The following TOGARAM2 variants were observed in gnomAD, a reference collection of about 807,000 sequenced individuals.
TOGARAM2 encodes TOG array regulator of axonemal microtubules protein 2.
Under a neutral mutation model 93.3 loss-of-function variants are expected in TOGARAM2, and 85 were observed. The ratio of observed to expected loss-of-function variants is 0.91; its 90% CI spans 0.76 to 1.09. The LOEUF (loss-of-function observed/expected upper bound fraction) is 1.09. Ranked by LOEUF, TOGARAM2 falls within the 50% of genes least tolerant of loss-of-function variation. The probability of loss-of-function intolerance (pLI) is 0.00; values close to 1 mark genes in which losing one functional copy is unlikely to be tolerated. For synonymous variants in TOGARAM2, 593 were observed against 552.8 expected, an observed-to-expected ratio of 1.07 and a Z score of -1.02; for missense variants, 1,277 against 1,334.5, an observed-to-expected ratio of 0.96 and a Z score of 0.67.
chr2:29,027,883 G>A (rs1665506570), intron 14 of TOGARAM2, among the ~76,000 whole-genome samples: 1 of 151,820 alleles, frequency 6.6e-6, no homozygotes, highest in East Asian at 1.9e-4. Context: ...GGGACGGCCA[G>A]CCTGGTGGAG....
chr2:29,014,585 G>C, intron 8 of TOGARAM2, 24 bp downstream of exon 8: 2 of 1,557,216 alleles, frequency 1.3e-6, no homozygotes, highest in East Asian at 4.8e-5. Context: ...GGGAGGAGGA[G>C]GAAGTGGGGC....
chr2:29,049,262 C>G (rs1000664454), intron 19 of TOGARAM2: 3 of 152,336 alleles, frequency 2.0e-5, no homozygotes, highest in Admixed American at 6.5e-5. Context: ...GGGACCCCCA[C>G]AGTGCTGGGA....
chr2:29,032,707 G>T (rs1665841567), intron 14 of TOGARAM2: 1 of 474,126 alleles, frequency 2.1e-6, no homozygotes, highest in Non-Finnish European at 3.7e-6. Context: ...ACAGAAAAAA[G>T]ACTATAGGAA....
chr2:28,959,740 C>T (rs1671775625), intron 1 of TOGARAM2, among the ~76,000 whole-genome samples: 1 of 151,568 alleles, frequency 6.6e-6, no homozygotes, highest in South Asian at 2.1e-4. Context: ...GAGACTCTGG[C>T]TCAAAAAAAA....
At chr2:29,040,221 T>G (rs1027307918) in intron 18 of TOGARAM2, among the ~76,000 whole-genome samples, 2 of 152,228 alleles carry the variant, frequency 1.3e-5, no homozygotes, top group African/African-American at 4.8e-5. Context: ...TTGATTTTGC[T>G]TCTTTCATTT....
At chr2:29,014,669 G>C (rs770741062) in intron 8 of TOGARAM2, 108 bp downstream of exon 8, 2 of 1,392,244 alleles carry the variant, frequency 1.4e-6, no homozygotes, top group African/African-American at 1.4e-5. Context: ...CCACAGAGCA[G>C]AGCAAGGAGA....
chr2:29,001,205 T>C (rs1673277100), intron 4 of TOGARAM2, among the ~76,000 whole-genome samples: 1 of 152,122 alleles, frequency 6.6e-6, no homozygotes, highest in Admixed American at 6.6e-5. Flanking sequence ...CACCCCTTCT[T>C]TTCCATCCTT....
At chr2:29,004,276 C>A (rs781425760) in intron 6 of TOGARAM2, among the ~76,000 whole-genome samples, 7 of 152,220 alleles carry the variant, frequency 4.6e-5, no homozygotes, top group Non-Finnish European at 8.8e-5. Context: ...AGACACCGTG[C>A]CCGGCTATGA....
chr2:28,973,589 C>G (rs1671985114), intron 1 of TOGARAM2, among the ~76,000 whole-genome samples: 1 of 151,312 alleles, frequency 6.6e-6, no homozygotes, highest in South Asian at 2.1e-4. Flanking sequence ...GTGGTGTGAT[C>G]ATGGCTCATT....
intron 18 of TOGARAM2, 129 bp from the exon 19 acceptor site, chr2:29,045,194 GA>G: frequency 1.5e-6 from 1 of 689,044 alleles, no homozygotes; most frequent in Non-Finnish European, 2.5e-6. Flanking sequence ...TTGTGACCTG[GA>G]AAAATTAATT....
upstream of TOGARAM2, among the ~76,000 whole-genome samples, chr2:28,980,438 TG>T (rs1672134335): frequency 6.6e-6 from 1 of 152,170 alleles, no homozygotes; most frequent in Non-Finnish European, 1.5e-5. Context: ...GTACAGAATA[TG>T]GGGAGGAGCT....
chr2:28,961,893 C>T (rs1216225815), intron 1 of TOGARAM2, among the ~76,000 whole-genome samples: 1 of 152,150 alleles, frequency 6.6e-6, no homozygotes, highest in East Asian at 1.9e-4. Flanking sequence ...TAACATCATA[C>T]AAAGATACTC....
chr2:29,033,642 G>T lies in TOGARAM2; in HGVS notation c.2225+79G>T, dbSNP rs1219646266. 2.1e-6 allele frequency: 3 copies of T among 1,402,964 alleles called. No homozygotes were observed. The African/African-American group carries it at 4.3e-5, about 20-fold the overall frequency. The allele number at this position is 1,402,964 out of a possible 1,614,324, so 86.9% of individuals were successfully genotyped here. ...ATCCTGCTTGTCCATGGCCAGGGGT[G>T]GCTCTGGGGTGGACATATGGATCTG... On this transcript the variant is annotated intron_variant, in intron 16 of 19. Coordinates refer to ENST00000379558, the MANE Select transcript of TOGARAM2 (RefSeq NM_199280.4).
intron 6 of TOGARAM2, among the ~76,000 whole-genome samples, chr2:29,004,740 A>G (rs1037409437): frequency 1.9e-5 from 1 of 53,310 alleles, no homozygotes; most frequent in African/African-American, 5.1e-5. Flanking sequence ...GAGTGCATGC[A>G]TGTGTGTGTG....
At chr2:28,964,108 G>A (rs920739929) in intron 1 of TOGARAM2, among the ~76,000 whole-genome samples, 1 of 152,252 alleles carries the variant, frequency 6.6e-6, no homozygotes, top group Non-Finnish European at 1.5e-5. Flanking sequence ...TCTACTTTTT[G>A]TATCTACTTC....
intron 1 of TOGARAM2, among the ~76,000 whole-genome samples, chr2:28,968,985 T>A (rs539114727): frequency 1.3e-5 from 2 of 152,146 alleles, no homozygotes; most frequent in South Asian, 2.1e-4. Context: ...GCATCTAGGA[T>A]GAATGAGGCC....
chr2:28,996,152 TG>T (rs1672978491), intron 2 of TOGARAM2, among the ~76,000 whole-genome samples: 1 of 152,172 alleles, frequency 6.6e-6, no homozygotes, highest in Admixed American at 6.5e-5. Context: ...ATTTTCTGGG[TG>T]TACATGTGAT....
At chr2:29,006,736 C>G (rs757828760) in intron 6 of TOGARAM2, among the ~76,000 whole-genome samples, 1 of 152,084 alleles carries the variant, frequency 6.6e-6, no homozygotes, top group African/African-American at 2.4e-5. Context: ...CTCCTGGATT[C>G]GAGTTCTCTA....
chr2:28,994,701 TC>T, intron 1 of TOGARAM2, 23 bp from the exon 2 acceptor site: 1 of 833,476 alleles, frequency 1.2e-6, no homozygotes, highest in Non-Finnish European at 1.9e-6. Flanking sequence ...TTTACTGACT[TC>T]TCCTTTCTCC....
Sources: allele counts gnomAD v4.1 joint callset (sites outside exome capture counted in the v4.1 genomes callset), GRCh38; gene constraint gnomAD v4.1.1; transcripts MANE v1.5; gene names NCBI Gene and HGNC (gene_info 2026-07-23, HGNC 2026-07-21).